The following SREBF2 variants were observed in gnomAD, a reference collection of about 807,000 sequenced individuals.
SREBF2 encodes sterol regulatory element binding transcription factor 2, also known as sterol regulatory element-binding protein 2.
Under a neutral mutation model 113.1 loss-of-function variants are expected in SREBF2, and 55 were observed. That is an observed-to-expected ratio of 0.49 (90% CI 0.39 to 0.61). The LOEUF is 0.61. SREBF2 is among the 20% of genes least tolerant of loss of function. The pLI is 0.00. For missense variants in SREBF2, 1,349 were observed against 1,487.4 expected, an observed-to-expected ratio of 0.91 and a Z score of 1.53; for synonymous variants, 593 against 605.7, an observed-to-expected ratio of 0.98 and a Z score of 0.31.
At chr22:41,848,287 C>T (rs1422939623) in intron 1 of SREBF2, among the ~76,000 whole-genome samples, 1 of 151,998 alleles carries the variant, frequency 6.6e-6, no homozygotes, top group Non-Finnish European at 1.5e-5. Flanking sequence ...CGGAGTTTCA[C>T]CGTGTTAGCC....
At position 41,881,062 on chromosome 22, in the gene SREBF2, T is replaced by A. The variant is rs567153142; in HGVS notation, c.2038+70T>A. 4 of 1,569,710 alleles carry A rather than the reference T, an allele frequency of 2.5e-6. No homozygotes were observed. In the East Asian group the frequency reaches 9.2e-5, roughly 36 times the overall value. On this transcript the variant is annotated intron_variant, in intron 10 of 18. Coordinates refer to ENST00000361204, the MANE Select transcript of SREBF2 (RefSeq NM_004599.4). ...ATGCTACCTCTCCTCCTTAGCTTGA[T>A]TTGCCAGTTCTGCACCCTAGCTGAA...
intron 7 of SREBF2, 46 bp downstream of exon 7, chr22:41,875,770 C>A: frequency 6.2e-7 from 1 of 1,606,566 alleles, no homozygotes; most frequent in Non-Finnish European, 8.5e-7. Flanking sequence ...TTTCCCATTT[C>A]CCCTAAGAAG....
chr22:41,835,695 A>G (rs750410122), intron 1 of SREBF2, among the ~76,000 whole-genome samples: 1 of 152,102 alleles, frequency 6.6e-6, no homozygotes, highest in Non-Finnish European at 1.5e-5. Flanking sequence ...TGGCACAATC[A>G]TAGCTCACTG....
At chr22:41,885,179 G>A (rs2077288485) in intron 11 of SREBF2, among the ~76,000 whole-genome samples, 168 bp downstream of exon 11, 1 of 152,166 alleles carries the variant, frequency 6.6e-6, no homozygotes, top group Non-Finnish European at 1.5e-5. Flanking sequence ...CCCAGCAACC[G>A]ATAAAACAGA....
Position 41,833,229 on chromosome 22 carries a change from C to A in SREBF2, c.-42C>A, listed in dbSNP as rs1186855340. 5 of 1,491,360 alleles carry A rather than the reference C, an allele frequency of 3.4e-6. No individual in the cohort carries two copies. The highest frequency in any genetic ancestry group is 4.5e-6 in the Non-Finnish European group (5 of 1,116,626). The allele number at this position is 1,491,360 out of a possible 1,614,324, so 92.4% of individuals were successfully genotyped here. ...GCGACGGCACCGCCCCCGCGTCTCC[C>A]TGAGCGGGACGGCAGGGGGGGCTTC... On this transcript the variant is annotated 5_prime_UTR_variant, in exon 1 of 19. The change creates a new upstream start codon in the 5' untranslated region. Coordinates refer to ENST00000361204, the MANE Select transcript of SREBF2 (RefSeq NM_004599.4). The surrounding 1 kb of genome is among the most constrained non-coding windows in gnomAD (Gnocchi z 4.1).
chr22:41,885,151 G>T, intron 11 of SREBF2, 140 bp downstream of exon 11: 1 of 1,067,222 alleles, frequency 9.4e-7, no homozygotes, highest in Non-Finnish European at 1.4e-6. Context: ...TCATTCAGTC[G>T]CTCATTTCAC....
intron 18 of SREBF2, 124 bp from the exon 19 acceptor site, chr22:41,905,316 G>C (rs1375452622): frequency 1.0e-6 from 1 of 956,034 alleles, no homozygotes; most frequent in Non-Finnish European, 1.6e-6. Context: ...TGGATTGGGT[G>C]GGGCAGCAGA....
At chr22:41,837,451 A>C (rs367816105) in intron 1 of SREBF2, among the ~76,000 whole-genome samples, 1 of 151,826 alleles carries the variant, frequency 6.6e-6, no homozygotes, top group African/African-American at 2.4e-5. Flanking sequence ...CCAGCAACCC[A>C]GGAGGCAGAG....
intron 13 of SREBF2, among the ~76,000 whole-genome samples, chr22:41,895,995 G>A (rs752482029): frequency 2.8e-4 from 42 of 152,118 alleles, no homozygotes; most frequent in Middle Eastern, 6.8e-3. Context: ...CAAAAAATTA[G>A]CCAGGCGTGG....
At chr22:41,872,832 A>G (rs913957518) in intron 4 of SREBF2, among the ~76,000 whole-genome samples, 1 of 150,736 alleles carries the variant, frequency 6.6e-6, no homozygotes, top group Non-Finnish European at 1.5e-5. Context: ...TGCAGGTTGT[A>G]GTAAGCTGTG....
At chr22:41,851,669 A>G (rs1208991548) in intron 1 of SREBF2, among the ~76,000 whole-genome samples, 1 of 151,822 alleles carries the variant, frequency 6.6e-6, no homozygotes, top group Non-Finnish European at 1.5e-5. Context: ...GATTTTTTGT[A>G]TTTTAAGTAG....
At chr22:41,873,553 T>G in intron 4 of SREBF2, 1 of 542,510 alleles carries the variant, frequency 1.8e-6, no homozygotes, top group Non-Finnish European at 3.3e-6. Context: ...AAAACATATT[T>G]AGCCATGTTA....
Position 41,866,926 on chromosome 22 carries a change from A to G in SREBF2, c.184A>G (p.Ser62Gly). 6.2e-7 allele frequency: 1 copy of G among 1,613,944 alleles called. No individual in the cohort carries two copies. The highest frequency in any genetic ancestry group is 8.5e-7 in the Non-Finnish European group (1 of 1,179,924). ...SSFPGSGGSG[S>G]SSGSSGSSSS... The stretch of plus-strand genomic sequence containing the variant: ...CTTTCCTGGCAGTGGTGGTAGTGGT[A>G]GCAGCAGCGGCAGCAGTGGCAGCAG... Residue 62 changes from serine (S) to glycine (G), a missense_variant, in exon 2 of 19, where the codon AGC becomes GGC. Ser to Gly is a moderately conservative substitution (Grantham distance 56). Transcript: ENST00000361204.
chr22:41,867,979 A>G (rs1028764091), intron 2 of SREBF2, among the ~76,000 whole-genome samples: 2 of 152,216 alleles, frequency 1.3e-5, no homozygotes, highest in African/African-American at 4.8e-5. Flanking sequence ...GGTGATGAAT[A>G]TGACTTTTAA....
At chr22:41,843,258 C>T (rs1195050519) in intron 1 of SREBF2, among the ~76,000 whole-genome samples, 1 of 152,226 alleles carries the variant, frequency 6.6e-6, no homozygotes, top group Non-Finnish European at 1.5e-5. Context: ...TTTCCGTAGT[C>T]ACCTCTACTT....
intron 9 of SREBF2, 73 bp from the exon 10 acceptor site, chr22:41,880,643 G>C (rs544026349): frequency 2.5e-6 from 4 of 1,579,408 alleles, no homozygotes; most frequent in Admixed American, 1.7e-5. Context: ...GGGGCAGGGG[G>C]AGTAGAAGTC....
At chr22:41,881,072 C>A in intron 10 of SREBF2, 80 bp downstream of exon 10, 1 of 1,546,572 alleles carries the variant, frequency 6.5e-7, no homozygotes, top group East Asian at 2.4e-5. Context: ...TTTGCCAGTT[C>A]TGCACCCTAG....
chr22:41,896,594 A>C (rs2077418674), intron 13 of SREBF2, among the ~76,000 whole-genome samples: 1 of 152,166 alleles, frequency 6.6e-6, no homozygotes, highest in African/African-American at 2.4e-5. Flanking sequence ...CCTGACCTCA[A>C]GTGATCTGCC....
chr22:41,902,942 C>T (rs776421503), intron 16 of SREBF2, 28 bp from the exon 17 acceptor site: 4 of 1,599,212 alleles, frequency 2.5e-6, no homozygotes, highest in Non-Finnish European at 3.4e-6. Flanking sequence ...AGTCACCTGT[C>T]TCCCCTCTCT....
Sources: allele counts gnomAD v4.1 joint callset (sites outside exome capture counted in the v4.1 genomes callset), GRCh38; gene constraint gnomAD v4.1.1; non-coding constraint Gnocchi (gnomAD v3.1); transcripts MANE v1.5; gene names NCBI Gene and HGNC (gene_info 2026-07-23, HGNC 2026-07-21).